ABCB5: variants seen among roughly 807,000 people sequenced by gnomAD.
ABCB5 encodes ATP-binding cassette sub-family B member 5.
ABCB5 carries 155 observed loss-of-function variants against 144.2 expected under a neutral mutation model. That is an observed-to-expected ratio of 1.08 (90% confidence interval 0.94 to 1.23). The LOEUF (loss-of-function observed/expected upper bound fraction) is 1.23. Among genes scored for constraint, ABCB5 ranks in the 50% most tolerant of loss-of-function variants. ABCB5 has a pLI of 0.00. For synonymous variants in ABCB5, 610 were observed against 528.6 expected (o/e 1.15, Z -2.11); for missense variants, 1,830 against 1,520.8 (o/e 1.20, Z -3.38).
rs1269877800 is a variant in ABCB5, at chr7:20,668,329, C to T, written c.1707+9653C>T. ...TCTAGGAAGTGAGGAGCGTCTCTGC[C>T]CGGCCGCCCATCGTCTGAGATGTGG... is the stretch of plus-strand genomic sequence containing the variant. On this transcript the variant is annotated intron_variant, in intron 14 of 27. Transcript: ENST00000404938. 7.4e-4 allele frequency among the ~76,000 whole-genome samples: 109 copies of T among 146,372 alleles called. No individual in the cohort carries two copies. In the Middle Eastern group the frequency reaches 0.026, roughly 35 times the overall value.
chr7:20,625,805 T>A (rs1783896055), intron 2 of ABCB5, among the ~76,000 whole-genome samples: 1 of 152,158 alleles, frequency 6.6e-6, no homozygotes, highest in Admixed American at 6.5e-5. Flanking sequence ...GGGTATATAC[T>A]CAAAAGAATT....
intron 5 of ABCB5, among the ~76,000 whole-genome samples, chr7:20,642,371 C>T (rs926263481): frequency 6.6e-6 from 1 of 152,172 alleles, no homozygotes; most frequent in Non-Finnish European, 1.5e-5. Context: ...TTATGGCTGG[C>T]TTAATTTCAC....
At chr7:20,669,748 A>T (rs1363409117) in intron 14 of ABCB5, among the ~76,000 whole-genome samples, 4 of 147,642 alleles carry the variant, frequency 2.7e-5, no homozygotes, top group Admixed American at 2.7e-4. Flanking sequence ...AAAAAAGAAA[A>T]TAACATTCGT....
Position 20,645,954 on chromosome 7 carries a change from T to G in ABCB5, c.804-7T>G, listed in dbSNP as rs1260238997. On this transcript the variant is annotated splice_polypyrimidine_tract_variant and splice_region_variant and intron_variant, in intron 8 of 27. Transcript: ENST00000404938. ...GTGGCTACTAAGTTGTGTTCTGTTT[T>G]TGTAAGGTATACACAGAATCTCAAA... The G allele has an allele frequency of 6.2e-7, 1 of 1,612,732 alleles. No homozygotes were observed. The highest frequency in any genetic ancestry group is 1.1e-5 in the South Asian group (1 of 90,836).
At chr7:20,618,149 T>C (rs923739392) in intron 1 of ABCB5, among the ~76,000 whole-genome samples, 1 of 152,206 alleles carries the variant, frequency 6.6e-6, no homozygotes, top group Non-Finnish European at 1.5e-5. Flanking sequence ...ACATTCAATT[T>C]ATAGTGGTTT....
chr7:20,713,864 C>T (rs373894823), intron 20 of ABCB5, among the ~76,000 whole-genome samples: 12 of 132,254 alleles, frequency 9.1e-5, no homozygotes, highest in Non-Finnish European at 1.9e-4. Context: ...GCAGATATCT[C>T]GATTTATCAT....
chr7:20,680,292 G>GC lies in ABCB5; in HGVS notation c.1708-1213_1708-1212insC, dbSNP rs1246975101. 9.2e-5 allele frequency among the ~76,000 whole-genome samples: 14 copies of GC among 152,154 alleles called. 1 individual carries two copies. Among genetic ancestry groups the GC allele is most frequent in the African/African-American group, 3.4e-4 (14 of 41,522 alleles). ...GAGTGACTTGAGGCCGAGCGCGGTG[G>GC]TCACGCCTGTAATCCCAGCACTTTG... is the stretch of plus-strand genomic sequence containing the variant. On this transcript the variant is annotated intron_variant, in intron 14 of 27. Coordinates refer to ENST00000404938, the MANE Select transcript of ABCB5 (RefSeq NM_001163941.2).
At chr7:20,688,328 A>G (rs973018815) in intron 16 of ABCB5, among the ~76,000 whole-genome samples, 2 of 152,252 alleles carry the variant, frequency 1.3e-5, no homozygotes, top group Non-Finnish European at 2.9e-5. Context: ...CAGGAGATAG[A>G]AAGCACACAA....
intron 5 of ABCB5, among the ~76,000 whole-genome samples, chr7:20,639,464 T>C (rs1246774062): frequency 6.6e-6 from 1 of 152,194 alleles, no homozygotes; most frequent in Non-Finnish European, 1.5e-5. Context: ...CCTGTTCAAA[T>C]TGCAATGTTT....
At chr7:20,633,927 T>C (rs1464038320) in intron 5 of ABCB5, among the ~76,000 whole-genome samples, 1 of 152,078 alleles carries the variant, frequency 6.6e-6, no homozygotes, top group Non-Finnish European at 1.5e-5. Context: ...ATGGATATAT[T>C]GCATAGTGGT....
chr7:20,690,023 T>C (rs1786162315), intron 16 of ABCB5, among the ~76,000 whole-genome samples: 1 of 152,192 alleles, frequency 6.6e-6, no homozygotes, highest in Non-Finnish European at 1.5e-5. Context: ...GTTTGGATTC[T>C]ATTCTTCCTC....
intron 26 of ABCB5, among the ~76,000 whole-genome samples, chr7:20,746,540 G>A (rs1272208210): frequency 6.6e-6 from 1 of 152,146 alleles, no homozygotes; most frequent in Non-Finnish European, 1.5e-5. Flanking sequence ...AAATTACCCT[G>A]AGCACTTAGT....
chr7:20,662,858 A>G (rs1045219804), intron 14 of ABCB5, among the ~76,000 whole-genome samples: 1 of 152,232 alleles, frequency 6.6e-6, no homozygotes, highest in Non-Finnish European at 1.5e-5. Flanking sequence ...TTAGAGAAGT[A>G]TACAAATTCA....
At chr7:20,679,405 C>T (rs1208356070) in intron 14 of ABCB5, among the ~76,000 whole-genome samples, 1 of 134,356 alleles carries the variant, frequency 7.4e-6, no homozygotes, top group Non-Finnish European at 1.5e-5. Context: ...TGGGAGGCAG[C>T]TGTTGCAGTG....
intron 20 of ABCB5, among the ~76,000 whole-genome samples, chr7:20,719,653 G>C (rs1423030727): frequency 2.0e-5 from 3 of 152,178 alleles, no homozygotes; most frequent in Non-Finnish European, 4.4e-5. Context: ...CCCCGTGCAG[G>C]GAAGCAGAGC....
At chr7:20,662,235 T>C (rs1023896675) in intron 14 of ABCB5, among the ~76,000 whole-genome samples, 3 of 152,248 alleles carry the variant, frequency 2.0e-5, no homozygotes, top group Admixed American at 1.3e-4. Context: ...ATATTATTCT[T>C]TGAAAACACA....
In ABCB5 at chr7:20,728,158, TAA is replaced by T. The variant is rs11334703; in HGVS notation, c.2727-145_2727-144del. ...TCTTTTCTCAAAGAATTCTCAGTAGTAAAAAAAAAAAAATCACTTTCTCTTTC... is the reference window on the plus strand; with the variant it reads ...TCTTTTCTCAAAGAATTCTCAGTAGTAAAAAAAAAAATCACTTTCTCTTTC... On this transcript the variant is annotated intron_variant, in intron 22 of 27. Transcript: ENST00000404938. 2.6e-3 allele frequency among the ~76,000 whole-genome samples: 395 copies of T among 150,256 alleles called. 1 individual carries two copies. Among genetic ancestry groups the T allele is most frequent in the African/African-American group, 7.7e-3 (315 of 41,132 alleles).
At chr7:20,660,322 T>C (rs903387672) in intron 14 of ABCB5, 44 of 985,028 alleles carry the variant, frequency 4.5e-5, no homozygotes, top group Non-Finnish European at 5.3e-5. Flanking sequence ...ATTTAACTTA[T>C]TTCAAAAATT....
At chr7:20,657,107 C>A (rs1784829101) in intron 13 of ABCB5, among the ~76,000 whole-genome samples, 1 of 151,812 alleles carries the variant, frequency 6.6e-6, no homozygotes, top group South Asian at 2.1e-4. Context: ...CAGGGTTTCA[C>A]CATGTTGCCC....
Sources: gnomAD v4.1 joint callset for allele counts (sites outside exome capture counted in the v4.1 genomes callset) on GRCh38, gnomAD v4.1.1 for gene constraint, MANE v1.5 for transcripts, NCBI Gene and HGNC (gene_info 2026-07-23, HGNC 2026-07-21) for gene names.